MYRIP: variants seen among roughly 807,000 people sequenced by gnomAD.
The protein encoded by MYRIP is myosin VIIA and Rab interacting protein.
Under a neutral mutation model 98.0 loss-of-function variants are expected in MYRIP, and 49 were observed. The observed-to-expected ratio is 0.50, with a 90% CI of 0.40 to 0.63. The LOEUF (loss-of-function observed/expected upper bound fraction) is 0.63. Among genes scored for constraint, MYRIP ranks in the 30% least tolerant of loss-of-function variants. MYRIP has a pLI of 0.00. For missense variants in MYRIP, 1,004 were observed against 1,058.2 expected, an observed-to-expected ratio of 0.95 and a Z score of 0.71; for synonymous variants, 404 against 409.5, an observed-to-expected ratio of 0.99 and a Z score of 0.16.
At chr3:39,915,099 C>T (rs953896994) in intron 2 of MYRIP, among the ~76,000 whole-genome samples, 5 of 152,008 alleles carry the variant, frequency 3.3e-5, no homozygotes, top group Admixed American at 6.6e-5. Flanking sequence ...TATTCTAACT[C>T]GAGGAACTCC....
chr3:39,986,188 T>G (rs181181534), intron 2 of MYRIP, among the ~76,000 whole-genome samples: 5 of 152,288 alleles, frequency 3.3e-5, no homozygotes, highest in African/African-American at 4.8e-5. Context: ...GCTTGAATTT[T>G]TGGTGGATAT....
intron 8 of MYRIP, among the ~76,000 whole-genome samples, chr3:40,172,587 T>C (rs924498607): frequency 6.6e-6 from 1 of 152,128 alleles, no homozygotes; most frequent in Non-Finnish European, 1.5e-5. Context: ...AAAATAAAGG[T>C]GACTGTATCT....
chr3:40,218,613 T>TCAC (rs1559460364), intron 11 of MYRIP, among the ~76,000 whole-genome samples: 7 of 16,250 alleles, frequency 4.3e-4, no homozygotes, highest in African/African-American at 6.7e-4. Flanking sequence ...ATATATATTT[T>TCAC]ATATATATAT....
intron 16 of MYRIP, among the ~76,000 whole-genome samples, chr3:40,253,928 T>C (rs917176345): frequency 6.6e-6 from 1 of 152,216 alleles, no homozygotes; most frequent in Non-Finnish European, 1.5e-5. Context: ...GATTAAGGTC[T>C]GGTTGAGGTG....
chr3:40,099,635 T>C (rs1002998807), intron 3 of MYRIP, among the ~76,000 whole-genome samples: 4 of 152,174 alleles, frequency 2.6e-5, no homozygotes, highest in African/African-American at 9.6e-5. Context: ...TGATTTGCCC[T>C]GCCCAAAAAA....
chr3:40,097,320 T>A (rs1948851758), intron 3 of MYRIP, among the ~76,000 whole-genome samples: 1 of 152,190 alleles, frequency 6.6e-6, no homozygotes, highest in South Asian at 2.1e-4. Flanking sequence ...GAGTCAGGAT[T>A]CATATCCAGG....
chr3:40,090,826 T>C (rs879712549), intron 3 of MYRIP, among the ~76,000 whole-genome samples: 5 of 152,210 alleles, frequency 3.3e-5, no homozygotes, highest in Non-Finnish European at 7.3e-5. Flanking sequence ...ATCGAGGACA[T>C]ACAGTGTTGA....
chr3:39,971,490 C>T (rs1455410051), intron 2 of MYRIP, among the ~76,000 whole-genome samples: 1 of 151,890 alleles, frequency 6.6e-6, no homozygotes, highest in African/African-American at 2.4e-5. Context: ...CAATTTAGAT[C>T]ATAAATCAAA....
intron 10 of MYRIP, 126 bp downstream of exon 10, chr3:40,190,589 C>T: frequency 2.1e-6 from 3 of 1,435,194 alleles, no homozygotes; most frequent in South Asian, 3.0e-5. Context: ...CTTGGTTTTG[C>T]AGCTAAGTAG....
chr3:39,988,552 G>T (rs552458266), intron 2 of MYRIP, among the ~76,000 whole-genome samples: 43 of 152,034 alleles, frequency 2.8e-4, no homozygotes, highest in Non-Finnish European at 5.6e-4. Flanking sequence ...TTTGAATGTT[G>T]CCCTGTCTTG....
intron 2 of MYRIP, among the ~76,000 whole-genome samples, chr3:39,979,196 G>T (rs946521494): frequency 6.6e-6 from 1 of 152,030 alleles, no homozygotes; most frequent in African/African-American, 2.4e-5. Context: ...TGTTGCTTAG[G>T]CTGGCTTTGA....
At chr3:39,827,007 A>G (rs1441651102) in intron 1 of MYRIP, among the ~76,000 whole-genome samples, 1 of 152,188 alleles carries the variant, frequency 6.6e-6, no homozygotes. Context: ...CCAAAAGGGA[A>G]TATCTTTTTT....
At chr3:39,864,815 G>T (rs977159481) in intron 1 of MYRIP, among the ~76,000 whole-genome samples, 1 of 151,802 alleles carries the variant, frequency 6.6e-6, no homozygotes, top group Non-Finnish European at 1.5e-5. Flanking sequence ...AATTCATATG[G>T]AACAAACGAA....
chr3:39,829,630 T>G (rs1025384319), intron 1 of MYRIP, among the ~76,000 whole-genome samples: 1 of 152,198 alleles, frequency 6.6e-6, no homozygotes, highest in African/African-American at 2.4e-5. Context: ...TTGGCTAACT[T>G]GAGTCCTGGC....
At chr3:40,027,166 C>T (rs1166853143) in intron 2 of MYRIP, among the ~76,000 whole-genome samples, 4 of 152,122 alleles carry the variant, frequency 2.6e-5, no homozygotes, top group South Asian at 2.1e-4. Flanking sequence ...AACAGCTTCA[C>T]TCCCCACGTA....
At chr3:40,110,824 T>A (rs1007412048) in intron 3 of MYRIP, among the ~76,000 whole-genome samples, 2 of 152,154 alleles carry the variant, frequency 1.3e-5, no homozygotes, top group African/African-American at 4.8e-5. Flanking sequence ...CTTCTCTCTC[T>A]GTAATTATTC....
intron 2 of MYRIP, among the ~76,000 whole-genome samples, chr3:39,928,295 G>A (rs892620799): frequency 6.6e-6 from 1 of 151,220 alleles, no homozygotes; most frequent in Admixed American, 6.6e-5. Context: ...AGAAAATATA[G>A]GAGGGACTAC....
At chr3:39,999,936 A>G (rs1946476044) in intron 2 of MYRIP, among the ~76,000 whole-genome samples, 3 of 150,514 alleles carry the variant, frequency 2.0e-5, no homozygotes, top group East Asian at 4.0e-4. Flanking sequence ...ACAAAAAACC[A>G]AACACTGCAT....
chr3:39,831,036 G>A (rs1197392161), intron 1 of MYRIP, among the ~76,000 whole-genome samples: 5 of 152,038 alleles, frequency 3.3e-5, no homozygotes, highest in Admixed American at 2.0e-4. Flanking sequence ...AGCAGCCTTC[G>A]AAGCAACCAA....
Sources: allele counts gnomAD v4.1 joint callset (sites outside exome capture counted in the v4.1 genomes callset), GRCh38; gene constraint gnomAD v4.1.1; transcripts MANE v1.5; gene names NCBI Gene and HGNC (gene_info 2026-07-23, HGNC 2026-07-21).